Variants in TSC22D2 observed in about 807,000 individuals in gnomAD.
TSC22D2 encodes TSC22 domain family protein 2.
TSC22D2 carries 5 observed loss-of-function variants against 50.1 expected under a neutral mutation model. The ratio of observed to expected loss-of-function variants is 0.10; its 90% CI spans 0.05 to 0.21. TSC22D2 has a LOEUF of 0.21. Ranked by LOEUF, TSC22D2 falls within the 10% of genes least tolerant of loss-of-function variation. TSC22D2 has a pLI of 1.00. For missense variants in TSC22D2, 1,003 were observed against 1,015.5 expected, an observed-to-expected ratio of 0.99 and a Z score of 0.17; for synonymous variants, 501 against 450.1, an observed-to-expected ratio of 1.11 and a Z score of -1.43.
At chr3:150,412,024 A>G (rs868044132) in intron 1 of TSC22D2, among the ~76,000 whole-genome samples, 2 of 152,186 alleles carry the variant, frequency 1.3e-5, no homozygotes, top group East Asian at 1.9e-4. Flanking sequence ...AGTGAAAGCT[A>G]TAGTTCTTGA....
chr3:150,448,812 A>C (rs1165567372), intron 1 of TSC22D2, among the ~76,000 whole-genome samples: 1 of 151,598 alleles, frequency 6.6e-6, no homozygotes, highest in Non-Finnish European at 1.5e-5. Context: ...GATCCCCCCA[A>C]AATATCATAA....
At chr3:150,445,244 C>T (rs924988575) in intron 1 of TSC22D2, among the ~76,000 whole-genome samples, 5 of 151,098 alleles carry the variant, frequency 3.3e-5, no homozygotes, top group Admixed American at 6.6e-5. Flanking sequence ...ACCCAGGAGG[C>T]GGAGGTTGCA....
At position 150,462,349 on chromosome 3, in the gene TSC22D2, T is replaced by C. The variant is rs1159898947; in HGVS notation, c.*3713T>C. 3 of 152,140 alleles carry C rather than the reference T, an allele frequency of 2.0e-5. No individual in the cohort carries two copies. Among genetic ancestry groups the C allele is most frequent in the African/African-American group, 7.2e-5 (3 of 41,432 alleles). The allele number at this position is 152,140 out of a possible 1,614,324, so 9.4% of individuals were successfully genotyped here. On this transcript the variant is annotated 3_prime_UTR_variant, in exon 3 of 3. Coordinates refer to ENST00000688009, the MANE Select transcript of TSC22D2 (RefSeq NM_001303264.2). ...GCATCTATTCAGAAAGCAAGAATGA[T>C]TTATTGAATGGTTTTAAGCAATGGG...
At chr3:150,411,356 A>G in intron 1 of TSC22D2, 48 bp downstream of exon 1, 1 of 1,529,370 alleles carries the variant, frequency 6.5e-7, no homozygotes, top group Non-Finnish European at 8.8e-7. Flanking sequence ...CTTGGCCAAC[A>G]TTGTAGCTTA....
At chr3:150,438,159 A>G (rs753901302) in intron 1 of TSC22D2, 1 of 347,632 alleles carries the variant, frequency 2.9e-6, no homozygotes, top group South Asian at 2.3e-5. Flanking sequence ...TTTAAAGGCT[A>G]TTTGATTAAA....
chr3:150,427,769 C>G (rs1000042083), intron 1 of TSC22D2, among the ~76,000 whole-genome samples: 9 of 151,982 alleles, frequency 5.9e-5, no homozygotes, highest in African/African-American at 1.9e-4. Context: ...CTTCCTCCCT[C>G]CCTCCCTCTT....
rs78964486 is a variant in TSC22D2 at position 150,435,323 on chromosome 3, G to A, written c.1959-21753G>A. ...TTTGGAACATACTGTCTTCCTAGCA[G>A]TTTTATTTTATTTAGGTACATTTGT... On this transcript the variant is annotated intron_variant, in intron 1 of 2. Transcript: ENST00000688009. Among the ~76,000 whole-genome samples the A allele has an allele frequency of 6.5e-3, 986 of 152,094 alleles. 5 individuals are homozygous for A. Among genetic ancestry groups the A allele is most frequent in the South Asian group, 0.025 (121 of 4,814 alleles).
rs1388394453 is a variant in TSC22D2 at position 150,409,264 on chromosome 3, C to T, written c.-87C>T. On this transcript the variant is annotated 5_prime_UTR_variant, in exon 1 of 3. Transcript: ENST00000688009. The surrounding 1 kb of genome is among the most constrained non-coding windows in gnomAD (Gnocchi z 7.4). ...ACCCCAGCGCAGACTCGGACTTTGT[C>T]TTTGGGGGCCCGTGCTCTGCCCTCC... 3 of 1,458,074 alleles carry T rather than the reference C, an allele frequency of 2.1e-6. No individual in the cohort carries two copies. Among genetic ancestry groups the T allele is most frequent in the African/African-American group, 2.8e-5 (2 of 70,524 alleles). The allele number at this position is 1,458,074 out of a possible 1,614,324, so 90.3% of individuals were successfully genotyped here. A position where few individuals can be genotyped will look rare whatever the true frequency, so the allele number is the denominator to read the frequency against.
In TSC22D2 at chr3:150,414,952, T is replaced by C. The variant is rs184403054; in HGVS notation, c.1958+3644T>C. ...GTTTACAGTTGATGTCTGAATCACA[T>C]ACTAGATACTATCCTATGCCTATCT... On this transcript the variant is annotated intron_variant, in intron 1 of 2. Coordinates refer to ENST00000688009, the MANE Select transcript of TSC22D2 (RefSeq NM_001303264.2). Among the ~76,000 whole-genome samples, 179 of 150,082 alleles carry C rather than the reference T, an allele frequency of 1.2e-3. 1 individual carries two copies. In the South Asian group the frequency reaches 0.023, roughly 19 times the overall value.
Position 150,461,016 on chromosome 3 carries a change from A to T in TSC22D2, c.*2380A>T, listed in dbSNP as rs564504832. 6.6e-5 allele frequency: 10 copies of T among 152,330 alleles called. No individual in the cohort carries two copies. In the South Asian group the frequency reaches 2.1e-3, roughly 32 times the overall value. 9.4% of individuals were successfully genotyped at this position (152,330 alleles called of 1,614,324 possible). A position where few individuals can be genotyped will look rare whatever the true frequency, so the allele number is the denominator to read the frequency against. ...AGGTTCAACCTCTAGTAACCTAAGAAATGCAAATTAATGTTTTTGGCGAAT... is the reference window on the plus strand; with the variant it reads ...AGGTTCAACCTCTAGTAACCTAAGATATGCAAATTAATGTTTTTGGCGAAT... On this transcript the variant is annotated 3_prime_UTR_variant, in exon 3 of 3. Transcript: ENST00000688009.
At chr3:150,436,010 CTACTT>C (rs985328343) in intron 1 of TSC22D2, among the ~76,000 whole-genome samples, 1 of 152,060 alleles carries the variant, frequency 6.6e-6, no homozygotes, top group African/African-American at 2.4e-5. Flanking sequence ...TCATCTGTAA[CTACTT>C]TAGTTACCCA....
intron 1 of TSC22D2, chr3:150,438,189 CTT>C (rs776084876): frequency 1.9e-5 from 8 of 413,282 alleles, no homozygotes. Flanking sequence ...TACTTAAACT[CTT>C]TGCTAGAATT....
At chr3:150,425,409 G>A (rs1413875591) in intron 1 of TSC22D2, among the ~76,000 whole-genome samples, 4 of 152,080 alleles carry the variant, frequency 2.6e-5, no homozygotes, top group Admixed American at 2.0e-4. Flanking sequence ...CCAGCTACTC[G>A]GGAGGCCAAG....
At chr3:150,437,171 T>C (rs533340519) in intron 1 of TSC22D2, among the ~76,000 whole-genome samples, 1 of 152,292 alleles carries the variant, frequency 6.6e-6, no homozygotes, top group South Asian at 2.1e-4. Flanking sequence ...TATTCAGTGA[T>C]TAACATAGAT....
chr3:150,435,470 T>C (rs576235555), intron 1 of TSC22D2, among the ~76,000 whole-genome samples: 1 of 152,338 alleles, frequency 6.6e-6, no homozygotes, highest in African/African-American at 2.4e-5. Flanking sequence ...GTTTCCCCCC[T>C]TTCTCCATTT....
At chr3:150,416,735 A>G (rs548949766) in intron 1 of TSC22D2, among the ~76,000 whole-genome samples, 80 of 152,268 alleles carry the variant, frequency 5.3e-4, no homozygotes, top group African/African-American at 1.9e-3. Context: ...TGACTTTAGG[A>G]AGTATACTTT....
chr3:150,437,050 A>T (rs1720567107), intron 1 of TSC22D2, among the ~76,000 whole-genome samples: 1 of 152,084 alleles, frequency 6.6e-6, no homozygotes, highest in South Asian at 2.1e-4. Flanking sequence ...TAGGGGATTA[A>T]TTTAGGCAAA....
chr3:150,441,978 C>T (rs1027274634), intron 1 of TSC22D2, among the ~76,000 whole-genome samples: 3 of 152,168 alleles, frequency 2.0e-5, no homozygotes, highest in African/African-American at 7.2e-5. Context: ...AAAGTACTGC[C>T]ATATCTGCCT....
At chr3:150,455,492 A>G (rs1166222026) in intron 1 of TSC22D2, among the ~76,000 whole-genome samples, 4 of 152,242 alleles carry the variant, frequency 2.6e-5, no homozygotes, top group Non-Finnish European at 2.9e-5. Flanking sequence ...TTAATGCTCA[A>G]ATAAACAAAC....
Sources: allele counts gnomAD v4.1 joint callset (sites outside exome capture counted in the v4.1 genomes callset), GRCh38; gene constraint gnomAD v4.1.1; non-coding constraint Gnocchi (gnomAD v3.1); transcripts MANE v1.5; gene names NCBI Gene and HGNC (gene_info 2026-07-23, HGNC 2026-07-21).